Variants in HSPBAP1 observed in about 807,000 individuals in gnomAD.
The protein encoded by HSPBAP1 is HSPB1-associated protein 1.
A neutral mutation model predicts 45.2 loss-of-function variants in HSPBAP1; 27 were observed. The observed-to-expected ratio is 0.60, with a 90% CI of 0.44 to 0.82. HSPBAP1 has a LOEUF of 0.82. Ranked by LOEUF, HSPBAP1 falls within the 40% of genes least tolerant of loss-of-function variation. HSPBAP1 has a pLI of 0.00. For synonymous variants in HSPBAP1, 204 were observed against 202.7 expected, an observed-to-expected ratio of 1.01 and a Z score of -0.06; for missense variants, 510 against 590.9, an observed-to-expected ratio of 0.86 and a Z score of 1.42.
At position 122,784,604 on chromosome 3, in the gene HSPBAP1, C is replaced by T. The variant is rs547525483; in HGVS notation, c.65-6698G>A. Among the ~76,000 whole-genome samples, 8 of 152,024 alleles carry T rather than the reference C, an allele frequency of 5.3e-5. No homozygotes were observed. In the South Asian group the frequency reaches 1.0e-3, roughly 20 times the overall value. ...TCAGAGAGCTATTGCAATAGCCAAG[C>T]GATAAGTATGATACAGGCCTGAACA... On this transcript the variant is annotated intron_variant, in intron 1 of 7. Coordinates refer to ENST00000306103, the MANE Select transcript of HSPBAP1 (RefSeq NM_024610.6).
At position 122,771,368 on chromosome 3, in the gene HSPBAP1, T is replaced by C. The variant is rs377289566; in HGVS notation, c.251-2486A>G. Among the ~76,000 whole-genome samples the C allele has an allele frequency of 3.3e-5, 5 of 152,370 alleles. No homozygotes were observed. The East Asian group carries it at 7.7e-4, about 23-fold the overall frequency. ...TTACCATGATTCTTTCATTTAACGT[T>C]GAAGTAGTCTAGGCAACTATAATGT... On this transcript the variant is annotated intron_variant, in intron 2 of 7. Transcript: ENST00000306103.
rs369899031 is a variant in HSPBAP1, at chr3:122,777,776, C to G, written c.195G>C (p.Gln65His). ...ATCGTATCTGCTTGCCATGAAGGAC[C>G]TGCGAAAGGTATTTAGCATTCCAGT... ...ARHWNAKYLS[Q>H]VLHGKQIRFR... The change falls in exon 2 of 8, where the codon CAG becomes CAC. Residue 65 changes from glutamine (Q) to histidine (H), a missense_variant. Gln to His is a conservative substitution (Grantham distance 24). Coordinates refer to ENST00000306103, the MANE Select transcript of HSPBAP1 (RefSeq NM_024610.6). The G allele has an allele frequency of 1.4e-5, 23 of 1,613,824 alleles. No individual in the cohort carries two copies. The African/African-American group carries it at 3.1e-4, about 22-fold the overall frequency.
At position 122,740,827 on chromosome 3, in the gene HSPBAP1, C is replaced by T. The variant is rs571724300; in HGVS notation, c.985G>A (p.Val329Ile). The change falls in exon 8 of 8, where the codon GTT (valine) becomes ATT (isoleucine). Residue 329 changes from valine to isoleucine, a missense_variant. By Grantham distance (29) the Val-to-Ile change is conservative. Transcript: ENST00000306103. ...CTGCAGCGATCAAAAAATGCAGAAA[C>T]AGCTGCATTTAAGTAGCAACAGTTG... is the stretch of plus-strand genomic sequence containing the variant. Reference protein sequence around the residue: ...AVNCCYLNAAVSAFFDRCRTS... With the variant: ...AVNCCYLNAAISAFFDRCRTS... The T allele has an allele frequency of 6.8e-6, 11 of 1,614,148 alleles. No homozygotes were observed. The South Asian group carries it at 1.1e-4, about 16-fold the overall frequency.
intron 6 of HSPBAP1, among the ~76,000 whole-genome samples, chr3:122,751,495 T>G (rs975424248): frequency 6.6e-6 from 1 of 152,110 alleles, no homozygotes; most frequent in Non-Finnish European, 1.5e-5. Context: ...AAACACCCCA[T>G]TAAAGAAAGT....
intron 6 of HSPBAP1, among the ~76,000 whole-genome samples, chr3:122,747,491 G>T (rs1251657855): frequency 6.6e-6 from 1 of 151,408 alleles, no homozygotes; most frequent in Non-Finnish European, 1.5e-5. Context: ...GAGGTCGGGG[G>T]GGTCAGCCCC....
chr3:122,784,928 T>C (rs1348828310), intron 1 of HSPBAP1, among the ~76,000 whole-genome samples: 1 of 152,226 alleles, frequency 6.6e-6, no homozygotes, highest in Non-Finnish European at 1.5e-5. Flanking sequence ...TGTGATCTTA[T>C]AAGAAGCCTG....
intron 6 of HSPBAP1, among the ~76,000 whole-genome samples, chr3:122,743,600 A>G (rs535862288): frequency 3.2e-4 from 48 of 152,036 alleles, no homozygotes; most frequent in African/African-American, 1.1e-3. Context: ...GTGTGGACAT[A>G]TATTTTCATT....
intron 6 of HSPBAP1, among the ~76,000 whole-genome samples, chr3:122,747,842 G>A (rs1321830100): frequency 6.6e-6 from 1 of 152,096 alleles, no homozygotes; most frequent in African/African-American, 2.4e-5. Flanking sequence ...TGGGAAGTGA[G>A]GAGCCCCTGT....
intron 1 of HSPBAP1, among the ~76,000 whole-genome samples, chr3:122,789,522 A>G (rs1935756821): frequency 6.6e-6 from 1 of 152,216 alleles, no homozygotes; most frequent in African/African-American, 2.4e-5. Context: ...AATTATTTCT[A>G]AGCTGTTATT....
At chr3:122,758,421 C>A (rs1934434706) in intron 4 of HSPBAP1, among the ~76,000 whole-genome samples, 1 of 152,174 alleles carries the variant, frequency 6.6e-6, no homozygotes, top group Non-Finnish European at 1.5e-5. Flanking sequence ...CAAGTAGGCA[C>A]AAACTAAAAT....
At chr3:122,789,944 C>G (rs558944647) in intron 1 of HSPBAP1, among the ~76,000 whole-genome samples, 1 of 150,166 alleles carries the variant, frequency 6.7e-6, no homozygotes, top group African/African-American at 2.5e-5. Context: ...CTCACTACAA[C>G]CTCCGCTTCA....
rs528970102 is a variant in HSPBAP1 at position 122,773,759 on chromosome 3, C to G, written c.250+3962G>C. On this transcript the variant is annotated intron_variant, in intron 2 of 7. Transcript: ENST00000306103. ...CTCAGGTGATCTCCCATCTCAACCT[C>G]CTGGGTAGCTGGGACAACAGGTGCA... 7.2e-5 allele frequency among the ~76,000 whole-genome samples: 11 copies of G among 152,236 alleles called. No individual in the cohort carries two copies. The South Asian group carries it at 1.5e-3, about 20-fold the overall frequency.
chr3:122,782,171 T>A (rs1224980551), intron 1 of HSPBAP1, among the ~76,000 whole-genome samples: 1 of 152,212 alleles, frequency 6.6e-6, no homozygotes, highest in Non-Finnish European at 1.5e-5. Flanking sequence ...CAACTAGAGT[T>A]GCTGGAGTCA....
chr3:122,793,529 G>A (rs1306596398), intron 1 of HSPBAP1, 88 bp downstream of exon 1: 9 of 1,176,710 alleles, frequency 7.6e-6, no homozygotes, highest in Non-Finnish European at 1.1e-5. Context: ...CTGGGTTGGG[G>A]CTAAGGCAAA....
intron 5 of HSPBAP1, chr3:122,754,994 C>T (rs1013936627): frequency 8.9e-7 from 1 of 1,129,598 alleles, no homozygotes; most frequent in East Asian, 4.7e-5. Context: ...CTCTTGTAGA[C>T]TGTCTTCCTC....
chr3:122,761,124 C>T (rs1357738309), intron 3 of HSPBAP1, among the ~76,000 whole-genome samples: 1 of 152,120 alleles, frequency 6.6e-6, no homozygotes, highest in East Asian at 1.9e-4. Context: ...TTTACCACAC[C>T]TCAGTCTGAG....
Position 122,740,175 on chromosome 3 carries a change from G to C in HSPBAP1, c.*170C>G, listed in dbSNP as rs1933605418. ...ACAAAGAGCAGCCAGTTTGGCCAAA[G>C]AGGAATGTGCATGAAAGAAGGTGGC... is the stretch of plus-strand genomic sequence containing the variant. On this transcript the variant is annotated 3_prime_UTR_variant, in exon 8 of 8. Coordinates refer to ENST00000306103, the MANE Select transcript of HSPBAP1 (RefSeq NM_024610.6). The C allele has an allele frequency of 2.4e-6, 1 of 415,344 alleles. No individual in the cohort carries two copies. Among genetic ancestry groups the C allele is most frequent in the Non-Finnish European group, 4.1e-6 (1 of 243,306 alleles). The allele number at this position is 415,344 out of a possible 1,614,324, so 25.7% of individuals were successfully genotyped here. A position where few individuals can be genotyped will look rare whatever the true frequency, so the allele number is the denominator to read the frequency against.
At chr3:122,771,098 G>T (rs1273262190) in intron 2 of HSPBAP1, among the ~76,000 whole-genome samples, 2 of 152,192 alleles carry the variant, frequency 1.3e-5, no homozygotes, top group African/African-American at 2.4e-5. Flanking sequence ...ATTAAAAAAT[G>T]TTAAAACTAA....
chr3:122,777,473 T>C (rs551916969), intron 2 of HSPBAP1, among the ~76,000 whole-genome samples: 2 of 152,182 alleles, frequency 1.3e-5, no homozygotes, highest in African/African-American at 4.8e-5. Context: ...ATAAGATACA[T>C]GAACAAATAC....
Sources: gnomAD v4.1 joint callset for allele counts (sites outside exome capture counted in the v4.1 genomes callset) on GRCh38, gnomAD v4.1.1 for gene constraint, MANE v1.5 for transcripts, NCBI Gene and HGNC (gene_info 2026-07-23, HGNC 2026-07-21) for gene names.